RBFOX1: variants seen among roughly 807,000 people sequenced by gnomAD.
RBFOX1 encodes RNA binding protein fox-1 homolog 1.
In RBFOX1, 8 loss-of-function variants were observed where a neutral mutation model predicts 57.7. The ratio of observed to expected loss-of-function variants is 0.14; its 90% confidence interval spans 0.08 to 0.25. The LOEUF (loss-of-function observed/expected upper bound fraction) is 0.25. RBFOX1 is among the 10% of genes least tolerant of loss of function. RBFOX1 has a pLI of 1.00. For synonymous variants in RBFOX1, 326 were observed against 222.4 expected, an observed-to-expected ratio of 1.47 and a Z score of -4.15; for missense variants, 611 against 548.5, an observed-to-expected ratio of 1.11 and a Z score of -1.14.
chr16:5,254,439 G>A (rs1407879438), intron 1 of RBFOX1, among the ~76,000 whole-genome samples: 1 of 152,132 alleles, frequency 6.6e-6, no homozygotes, highest in Non-Finnish European at 1.5e-5. Flanking sequence ...CTCGCCTTTA[G>A]TAAAGACCTT....
intron 14 of RBFOX1, among the ~76,000 whole-genome samples, chr16:7,683,034 A>ATATATATATATATATAT (rs1568439301): frequency 7.6e-5 from 7 of 92,586 alleles, no homozygotes; most frequent in East Asian, 3.3e-4. Context: ...ATATATATAT[A>ATATATATATATATATAT]AAACAGTGCT....
At chr16:5,699,456 G>C (rs75770690) in intron 3 of RBFOX1, among the ~76,000 whole-genome samples, 1 of 148,456 alleles carries the variant, frequency 6.7e-6, no homozygotes, top group Admixed American at 6.7e-5. Flanking sequence ...ACAGTAGATT[G>C]TTCTATTTTT....
chr16:6,272,937 A>C (rs2075360859), intron 1 of RBFOX1, among the ~76,000 whole-genome samples: 3 of 152,216 alleles, frequency 2.0e-5, no homozygotes, highest in African/African-American at 7.2e-5. Flanking sequence ...TAACTTTGAT[A>C]TAAAACATAA....
At chr16:7,057,531 C>T (rs2153741851) in intron 4 of RBFOX1, among the ~76,000 whole-genome samples, 1 of 152,296 alleles carries the variant, frequency 6.6e-6, no homozygotes, top group East Asian at 1.9e-4. Flanking sequence ...GACTAACCAT[C>T]AGTGCATCCT....
intron 2 of RBFOX1, among the ~76,000 whole-genome samples, chr16:6,529,109 T>C (rs903462233): frequency 6.6e-6 from 1 of 152,180 alleles, no homozygotes; most frequent in Non-Finnish European, 1.5e-5. Flanking sequence ...CACCTTGTTA[T>C]ACTCCGAAAT....
intron 4 of RBFOX1, among the ~76,000 whole-genome samples, chr16:7,459,002 T>C (rs1334261210): frequency 6.6e-6 from 1 of 152,178 alleles, no homozygotes; most frequent in African/African-American, 2.4e-5. Context: ...TGTTGAATGA[T>C]TAAACCTATG....
Position 6,087,354 on chromosome 16 carries a change from G to A in RBFOX1, c.-127+67362G>A, listed in dbSNP as rs191128755. ...ATTAACCAAGAAGTTCTTCTTTAAC[G>A]TTTATATATATATATATGTATATGT... On this transcript the variant is annotated intron_variant, in intron 1 of 15. Transcript: ENST00000550418. 2.6e-3 allele frequency among the ~76,000 whole-genome samples: 399 copies of A among 151,886 alleles called. 1 individual carries two copies. The highest frequency in any genetic ancestry group is 4.5e-3 in the Non-Finnish European group (309 of 67,940).
At chr16:6,106,029 A>T (rs975543975) in intron 1 of RBFOX1, among the ~76,000 whole-genome samples, 5 of 152,094 alleles carry the variant, frequency 3.3e-5, no homozygotes, top group Non-Finnish European at 7.3e-5. Context: ...AAAAGCTGAG[A>T]TGAAAATTTG....
At chr16:5,803,564 T>C (rs1237934411) in intron 3 of RBFOX1, among the ~76,000 whole-genome samples, 1 of 152,210 alleles carries the variant, frequency 6.6e-6, no homozygotes. Context: ...GTATGGTGCC[T>C]GTCATTCATT....
chr16:5,826,514 T>C (rs2056061442), intron 3 of RBFOX1, among the ~76,000 whole-genome samples: 1 of 152,330 alleles, frequency 6.6e-6, no homozygotes, highest in South Asian at 2.1e-4. Flanking sequence ...ACTCTACCAT[T>C]TGGCATGAAA....
chr16:6,232,389 C>G (rs975476741), intron 1 of RBFOX1, among the ~76,000 whole-genome samples: 2 of 152,146 alleles, frequency 1.3e-5, no homozygotes, highest in Non-Finnish European at 2.9e-5. Context: ...AATATGTGTT[C>G]TTTTGAATAA....
At chr16:5,902,079 T>C (rs536223129) in intron 4 of RBFOX1, among the ~76,000 whole-genome samples, 177 of 152,348 alleles carry the variant, frequency 1.2e-3, no homozygotes, top group African/African-American at 4.0e-3. Context: ...AATGAATTAA[T>C]CATATTCCCT....
intron 1 of RBFOX1, among the ~76,000 whole-genome samples, chr16:5,321,180 G>A (rs1460738953): frequency 6.6e-6 from 1 of 152,128 alleles, no homozygotes; most frequent in Non-Finnish European, 1.5e-5. Flanking sequence ...CAGCATCTCT[G>A]GCCTCTCCCC....
chr16:7,652,238 T>G (rs763032363), intron 11 of RBFOX1, among the ~76,000 whole-genome samples: 19 of 152,040 alleles, frequency 1.2e-4, no homozygotes, highest in Non-Finnish European at 2.5e-4. Flanking sequence ...TGGGCCCTGA[T>G]GAGTTAGTTA....
chr16:7,643,386 G>A (rs1325195481), intron 11 of RBFOX1, among the ~76,000 whole-genome samples: 1 of 152,280 alleles, frequency 6.6e-6, no homozygotes, highest in South Asian at 2.1e-4. Flanking sequence ...GTTGTAATGT[G>A]ATATTTGATA....
At chr16:7,447,964 T>A (rs2098821557) in intron 4 of RBFOX1, among the ~76,000 whole-genome samples, 1 of 152,194 alleles carries the variant, frequency 6.6e-6, no homozygotes, top group Admixed American at 6.5e-5. Context: ...AAGTACTGAA[T>A]CAGGATCTCT....
chr16:6,015,286 C>A (rs1053289728), upstream of RBFOX1, among the ~76,000 whole-genome samples: 3 of 151,982 alleles, frequency 2.0e-5, no homozygotes, highest in African/African-American at 7.3e-5. Flanking sequence ...TCTACAAATC[C>A]CTGGAATTCA....
chr16:5,891,100 T>C (rs2058035565), intron 4 of RBFOX1, among the ~76,000 whole-genome samples: 1 of 152,202 alleles, frequency 6.6e-6, no homozygotes, highest in Non-Finnish European at 1.5e-5. Context: ...TAACTGTTAG[T>C]AGGCAGATAG....
chr16:6,544,536 T>A lies in RBFOX1; in HGVS notation c.-63-110067T>A, dbSNP rs140445719. Among the ~76,000 whole-genome samples the A allele has an allele frequency of 6.2e-4, 95 of 152,338 alleles. 2 individuals carry two copies. Among genetic ancestry groups the A allele is most frequent in the Admixed American group, 3.9e-3 (60 of 15,298 alleles). On this transcript the variant is annotated intron_variant, in intron 2 of 15. Transcript: ENST00000550418. ...CAACTCTGATCTCTTCATTATTGATTATATGCAACTCTTGGTATTGTTTTC... is the reference window on the plus strand; with the variant it reads ...CAACTCTGATCTCTTCATTATTGATAATATGCAACTCTTGGTATTGTTTTC...
Sources: gnomAD v4.1 joint callset for allele counts (sites outside exome capture counted in the v4.1 genomes callset) on GRCh38, gnomAD v4.1.1 for gene constraint, MANE v1.5 for transcripts, NCBI Gene and HGNC (gene_info 2026-07-23, HGNC 2026-07-21) for gene names.